ARL8B: variants seen among roughly 807,000 people sequenced by gnomAD.
ARL8B encodes ARF like GTPase 8B, also known as ADP-ribosylation factor-like protein 8B.
ARL8B carries 9 observed loss-of-function variants against 30.6 expected under a neutral mutation model. The observed-to-expected ratio is 0.29, with a 90% CI of 0.18 to 0.51. The LOEUF (loss-of-function observed/expected upper bound fraction) is 0.51. Ranked by LOEUF, ARL8B falls within the 20% of genes least tolerant of loss-of-function variation. ARL8B has a pLI of 0.97. For missense variants in ARL8B, 130 were observed against 227.2 expected, an observed-to-expected ratio of 0.57 and a Z score of 2.75; for synonymous variants, 74 against 76.0, an observed-to-expected ratio of 0.97 and a Z score of 0.14.
intron 1 of ARL8B, among the ~76,000 whole-genome samples, chr3:5,147,411 G>A (rs1044158293): frequency 6.6e-6 from 1 of 152,078 alleles, no homozygotes; most frequent in Non-Finnish European, 1.5e-5. Flanking sequence ...ATCATTGTTG[G>A]ACATTTGGGT....
chr3:5,127,652 A>G (rs1209525133), intron 1 of ARL8B, among the ~76,000 whole-genome samples: 1 of 152,086 alleles, frequency 6.6e-6, no homozygotes, highest in Non-Finnish European at 1.5e-5. Context: ...TAGTATCTTT[A>G]AAAAGCAGAG....
At chr3:5,155,099 A>C (rs1559281932) in intron 1 of ARL8B, among the ~76,000 whole-genome samples, 1 of 152,198 alleles carries the variant, frequency 6.6e-6, no homozygotes, top group Non-Finnish European at 1.5e-5. Flanking sequence ...GGTCAGGTCT[A>C]GTAGTAATTT....
chr3:5,133,662 A>C (rs1213419344), intron 1 of ARL8B, among the ~76,000 whole-genome samples: 1 of 152,192 alleles, frequency 6.6e-6, no homozygotes, highest in Non-Finnish European at 1.5e-5. Context: ...GTGGTGGCTC[A>C]TGCCAGTAAC....
intron 1 of ARL8B, among the ~76,000 whole-genome samples, chr3:5,140,409 C>A (rs549067710): frequency 6.6e-6 from 1 of 152,136 alleles, no homozygotes; most frequent in Non-Finnish European, 1.5e-5. Context: ...GTAAGAAGCC[C>A]CTTTACTCTT....
chr3:5,144,854 T>C (rs2054404566), intron 1 of ARL8B, among the ~76,000 whole-genome samples: 2 of 152,186 alleles, frequency 1.3e-5, no homozygotes, highest in South Asian at 2.1e-4. Flanking sequence ...TACCAATTCT[T>C]TTCCCCTGCT....
At chr3:5,153,791 C>T (rs1350926282) in intron 1 of ARL8B, among the ~76,000 whole-genome samples, 2 of 152,104 alleles carry the variant, frequency 1.3e-5, no homozygotes, top group Non-Finnish European at 2.9e-5. Flanking sequence ...TGGAGAACTT[C>T]CTTTAACATT....
intron 1 of ARL8B, chr3:5,157,930 A>AC (rs1316091964): frequency 1.3e-5 from 2 of 152,146 alleles, no homozygotes; most frequent in African/African-American, 4.8e-5. Context: ...TTCCCTTCTC[A>AC]AATCTATCTG....
intron 1 of ARL8B, among the ~76,000 whole-genome samples, chr3:5,146,367 A>G (rs1459657052): frequency 6.6e-6 from 1 of 152,238 alleles, no homozygotes; most frequent in Non-Finnish European, 1.5e-5. Context: ...TATACGACCC[A>G]TCAGGCTTTT....
At chr3:5,131,070 G>A (rs536083844) in intron 1 of ARL8B, among the ~76,000 whole-genome samples, 27 of 151,980 alleles carry the variant, frequency 1.8e-4, no homozygotes, top group South Asian at 4.2e-4. Flanking sequence ...CCGCCACCAC[G>A]CCCAGCTAAT....
At position 5,161,299 on chromosome 3, in the gene ARL8B, C is replaced by CA. The variant is rs111784438; in HGVS notation, c.124-9197dup. 5.4e-3 allele frequency among the ~76,000 whole-genome samples: 825 copies of CA among 151,564 alleles called. 10 individuals are homozygous for CA. Among genetic ancestry groups the CA allele is most frequent in the African/African-American group, 0.018 (754 of 41,188 alleles). On this transcript the variant is annotated intron_variant, in intron 1 of 6. Transcript: ENST00000256496. Reference sequence around the variant, plus strand: ...CAGATTACCATAAACTCAGCAACATCAAAAAAAGACAAAACAAAAACCCAG... The same window carrying CA: ...CAGATTACCATAAACTCAGCAACATCAAAAAAAAGACAAAACAAAAACCCAG...
intron 2 of ARL8B, among the ~76,000 whole-genome samples, 195 bp from the exon 3 acceptor site, chr3:5,171,955 G>A (rs985004866): frequency 2.0e-5 from 3 of 152,224 alleles, no homozygotes; most frequent in Non-Finnish European, 2.9e-5. Context: ...ATTAAATACG[G>A]ACTTCAAGTT....
chr3:5,134,749 G>C (rs2054310628), intron 1 of ARL8B, among the ~76,000 whole-genome samples: 1 of 152,186 alleles, frequency 6.6e-6, no homozygotes, highest in African/African-American at 2.4e-5. Context: ...ATTTAGAGCA[G>C]TCTAATAATG....
Position 5,140,596 on chromosome 3 carries a change from T to C in ARL8B, c.123+18008T>C, listed in dbSNP as rs140554349. ...GGCAAAATTTCAACACGTTAGTCTT[T>C]AACTCTCTAGTGAATGTTGGAGCAG... is the stretch of plus-strand genomic sequence containing the variant. On this transcript the variant is annotated intron_variant, in intron 1 of 6. Transcript: ENST00000256496. 6.9e-3 allele frequency among the ~76,000 whole-genome samples: 1,047 copies of C among 152,186 alleles called. 18 individuals are homozygous for C. Among genetic ancestry groups the C allele is most frequent in the African/African-American group, 0.023 (972 of 41,502 alleles).
chr3:5,162,452 A>G (rs1418056225), intron 1 of ARL8B, among the ~76,000 whole-genome samples: 1 of 152,216 alleles, frequency 6.6e-6, no homozygotes, highest in Non-Finnish European at 1.5e-5. Context: ...ACATTGTGTC[A>G]GTTTTGAAAT....
chr3:5,126,309 A>ATAGT (rs1448425038), intron 1 of ARL8B, among the ~76,000 whole-genome samples: 1 of 152,194 alleles, frequency 6.6e-6, no homozygotes, highest in Non-Finnish European at 1.5e-5. Flanking sequence ...TGTATATAAA[A>ATAGT]TAGTTGCTTT....
At chr3:5,161,430 C>CA (rs1192445598) in intron 1 of ARL8B, among the ~76,000 whole-genome samples, 2 of 152,032 alleles carry the variant, frequency 1.3e-5, no homozygotes, top group African/African-American at 4.8e-5. Flanking sequence ...GAGTGGTTTG[C>CA]AAAAAACAGC....
At chr3:5,158,558 G>A (rs1256643229) in intron 1 of ARL8B, among the ~76,000 whole-genome samples, 1 of 152,138 alleles carries the variant, frequency 6.6e-6, no homozygotes, top group South Asian at 2.1e-4. Flanking sequence ...TGTAAGAAGG[G>A]CACACTGATA....
intron 6 of ARL8B, among the ~76,000 whole-genome samples, chr3:5,175,352 G>GT (rs1163852509): frequency 6.6e-6 from 1 of 152,154 alleles, no homozygotes; most frequent in Non-Finnish European, 1.5e-5. Flanking sequence ...AAGTCGTGAG[G>GT]TTAAGATTAT....
chr3:5,175,939 C>T (rs2054725980), intron 6 of ARL8B, among the ~76,000 whole-genome samples: 1 of 152,156 alleles, frequency 6.6e-6, no homozygotes, highest in Non-Finnish European at 1.5e-5. Context: ...TGCAGAGACC[C>T]TATTTCCAGT....
Sources: gnomAD v4.1 joint callset for allele counts (sites outside exome capture counted in the v4.1 genomes callset) on GRCh38, gnomAD v4.1.1 for gene constraint, MANE v1.5 for transcripts, NCBI Gene and HGNC (gene_info 2026-07-23, HGNC 2026-07-21) for gene names.